CTIF: variants seen among roughly 807,000 people sequenced by gnomAD.
The protein encoded by CTIF is cap binding complex dependent translation initiation factor, also known as CBP80/20-dependent translation initiation factor.
Under a neutral mutation model 66.0 loss-of-function variants are expected in CTIF, and 21 were observed. The ratio of observed to expected loss-of-function variants is 0.32; its 90% CI spans 0.23 to 0.46. The LOEUF is 0.46. Ranked by LOEUF, CTIF falls within the 20% of genes least tolerant of loss-of-function variation. CTIF has a pLI of 1.00. For missense variants in CTIF, 739 were observed against 812.7 expected (o/e 0.91, Z 1.10); for synonymous variants, 345 against 326.4 (o/e 1.06, Z -0.62).
Position 48,697,301 on chromosome 18 carries a change from G to C in CTIF, c.508-14318G>C, listed in dbSNP as rs2092021581. On this transcript the variant is annotated intron_variant, in intron 6 of 11. Coordinates refer to ENST00000256413, the MANE Select transcript of CTIF (RefSeq NM_014772.3). ...CTGAGCTCCTGAAAGTTTGTAGCTT[G>C]TTTGGGGAGGCAAGCATTTAAGTAA... Among the ~76,000 whole-genome samples the C allele has an allele frequency of 3.3e-5, 5 of 152,366 alleles. No homozygotes were observed. In the South Asian group the frequency reaches 1.0e-3, roughly 32 times the overall value.
chr18:48,863,197 A>ACAAACAAACAC lies in CTIF; in HGVS notation c.*3640_*3641insAACAAACACCA, dbSNP rs970431841. On this transcript the variant is annotated 3_prime_UTR_variant, in exon 12 of 12. Transcript: ENST00000256413. ...ACTACAAGTGGGTTTAAAAAAATAA[A>ACAAACAAACAC]CACCACCACCAAAAACAAAATGCCC... The ACAAACAAACAC allele has an allele frequency of 1.3e-5, 2 of 150,932 alleles. No individual in the cohort carries two copies. Among genetic ancestry groups the ACAAACAAACAC allele is most frequent in the African/African-American group, 4.9e-5 (2 of 40,866 alleles). The allele number at this position is 150,932 out of a possible 1,614,324, so 9.3% of individuals were successfully genotyped here.
chr18:48,640,456 G>A (rs2090907220), intron 3 of CTIF, among the ~76,000 whole-genome samples: 1 of 152,206 alleles, frequency 6.6e-6, no homozygotes, highest in African/African-American at 2.4e-5. Context: ...ATTCCCTAGT[G>A]GGCCCTTTTC....
chr18:48,634,043 C>T (rs1157331985), intron 2 of CTIF, among the ~76,000 whole-genome samples: 2 of 152,286 alleles, frequency 1.3e-5, no homozygotes, highest in East Asian at 1.9e-4. Context: ...CATGTAATTG[C>T]CACATCTCCT....
At chr18:48,608,114 G>A (rs913862101) in intron 1 of CTIF, among the ~76,000 whole-genome samples, 4 of 152,086 alleles carry the variant, frequency 2.6e-5, no homozygotes, top group African/African-American at 9.7e-5. Flanking sequence ...GGTAACATGT[G>A]TGAGTGAGGG....
intron 6 of CTIF, among the ~76,000 whole-genome samples, chr18:48,685,494 A>G (rs2091825011): frequency 6.6e-6 from 1 of 152,170 alleles, no homozygotes; most frequent in Non-Finnish European, 1.5e-5. Flanking sequence ...AAGTGCTGGC[A>G]TTACAGGCAT....
At chr18:48,748,260 T>G (rs1907447116) in intron 7 of CTIF, among the ~76,000 whole-genome samples, 1 of 151,944 alleles carries the variant, frequency 6.6e-6, no homozygotes, top group Admixed American at 6.5e-5. Context: ...AAGGCTCCCC[T>G]AGGGTTGCTG....
chr18:48,825,212 G>A (rs1482467759), intron 10 of CTIF, among the ~76,000 whole-genome samples: 1 of 151,990 alleles, frequency 6.6e-6, no homozygotes, highest in African/African-American at 2.4e-5. Flanking sequence ...TCTCCCTCTG[G>A]TTGCCCCCTG....
chr18:48,771,780 C>T (rs1411624839), intron 9 of CTIF, among the ~76,000 whole-genome samples: 4 of 152,344 alleles, frequency 2.6e-5, no homozygotes, highest in Non-Finnish European at 5.9e-5. Flanking sequence ...CAGGAGACAG[C>T]AGATCCTTCC....
chr18:48,838,245 C>T lies in CTIF; in HGVS notation c.1528-19343C>T, dbSNP rs369166638. On this transcript the variant is annotated intron_variant, in intron 10 of 11. Coordinates refer to ENST00000256413, the MANE Select transcript of CTIF (RefSeq NM_014772.3). The stretch of plus-strand genomic sequence containing the variant: ...CCAACACCCCGGCACATCAACAGCC[C>T]GTCAGCTTGTGGGTAGACTCACATA... Among the ~76,000 whole-genome samples, 4 of 152,154 alleles carry T rather than the reference C, an allele frequency of 2.6e-5. No individual in the cohort carries two copies. In the East Asian group the frequency reaches 7.7e-4, roughly 29 times the overall value.
At chr18:48,822,959 T>C (rs1057099185) in intron 10 of CTIF, among the ~76,000 whole-genome samples, 1 of 152,238 alleles carries the variant, frequency 6.6e-6, no homozygotes, top group African/African-American at 2.4e-5. Context: ...TTTCCATGTC[T>C]TCTTTGGAGA....
chr18:48,543,703 C>T (rs905564210), intron 1 of CTIF, among the ~76,000 whole-genome samples: 2 of 152,150 alleles, frequency 1.3e-5, no homozygotes, highest in African/African-American at 4.8e-5. Flanking sequence ...TGCCTAAGGT[C>T]ATGGTGAGCC....
At chr18:48,749,614 C>T (rs947255231) in intron 7 of CTIF, among the ~76,000 whole-genome samples, 4 of 152,180 alleles carry the variant, frequency 2.6e-5, no homozygotes, top group Non-Finnish European at 5.9e-5. Context: ...TACAAACAAA[C>T]ACTAATATAG....
chr18:48,732,064 C>T (rs143141855), intron 7 of CTIF, among the ~76,000 whole-genome samples: 3 of 152,346 alleles, frequency 2.0e-5, no homozygotes, highest in African/African-American at 4.8e-5. Context: ...TCCAACACCC[C>T]GAAGAGAATG....
chr18:48,801,708 G>T (rs1201341277), intron 9 of CTIF, among the ~76,000 whole-genome samples: 2 of 152,156 alleles, frequency 1.3e-5, no homozygotes, highest in Non-Finnish European at 2.9e-5. Context: ...AGAAGTAATT[G>T]GGCCACTCAT....
intron 6 of CTIF, among the ~76,000 whole-genome samples, chr18:48,692,271 A>C (rs1418055823): frequency 6.6e-6 from 1 of 152,114 alleles, no homozygotes; most frequent in African/African-American, 2.4e-5. Context: ...ATTGTGCCCA[A>C]GGGCCACTCT....
At chr18:48,673,998 G>A (rs2091582894) in intron 6 of CTIF, among the ~76,000 whole-genome samples, 1 of 152,170 alleles carries the variant, frequency 6.6e-6, no homozygotes. Context: ...CGCCCCAACT[G>A]CAAGGGCTGA....
intron 6 of CTIF, among the ~76,000 whole-genome samples, chr18:48,687,756 A>G (rs2091865460): frequency 6.6e-6 from 1 of 152,216 alleles, no homozygotes. Flanking sequence ...TGAGCCTGAA[A>G]GCAGCCTCTT....
intron 1 of CTIF, among the ~76,000 whole-genome samples, chr18:48,562,297 G>A (rs2089181348): frequency 6.6e-6 from 1 of 152,238 alleles, no homozygotes; most frequent in Non-Finnish European, 1.5e-5. Context: ...AACTGAGGCA[G>A]AGTTAACAGA....
chr18:48,619,212 A>G (rs2090449285), intron 1 of CTIF, among the ~76,000 whole-genome samples: 1 of 152,180 alleles, frequency 6.6e-6, no homozygotes, highest in South Asian at 2.1e-4. Context: ...CTTGGCCTGT[A>G]GGCTGAGCTC....
Sources: allele counts gnomAD v4.1 joint callset (sites outside exome capture counted in the v4.1 genomes callset), GRCh38; gene constraint gnomAD v4.1.1; transcripts MANE v1.5; gene names NCBI Gene and HGNC (gene_info 2026-07-23, HGNC 2026-07-21).